EIF2S1: variants seen among roughly 807,000 people sequenced by gnomAD.
EIF2S1 encodes eukaryotic translation initiation factor 2 subunit alpha.
A neutral mutation model predicts 33.5 loss-of-function variants in EIF2S1; 5 were observed. That is an observed-to-expected ratio of 0.15 (90% confidence interval 0.08 to 0.31). EIF2S1 has a LOEUF of 0.31. Among genes scored for constraint, EIF2S1 ranks in the 10% least tolerant of loss-of-function variants. The probability of loss-of-function intolerance (pLI) is 1.00; values close to 1 mark genes in which losing one functional copy is unlikely to be tolerated. For synonymous variants in EIF2S1, 99 were observed against 127.5 expected, an observed-to-expected ratio of 0.78 and a Z score of 1.51; for missense variants, 191 against 384.6, an observed-to-expected ratio of 0.50 and a Z score of 4.21.
At chr14:67,368,187 G>A (rs756032864) in intron 2 of EIF2S1, among the ~76,000 whole-genome samples, 159 of 152,310 alleles carry the variant, frequency 1.0e-3, no homozygotes, top group Non-Finnish European at 1.9e-3. Context: ...GTTTCTGCAG[G>A]AAAAGCAAGG....
chr14:67,383,711 G>C lies in EIF2S1; in HGVS notation c.*271G>C. On this transcript the variant is annotated 3_prime_UTR_variant, in exon 8 of 8. Coordinates refer to ENST00000256383, the MANE Select transcript of EIF2S1 (RefSeq NM_004094.5). ...TAAGAATAGTTCTAAAATTGGGCTT[G>C]TGATTTCCATTTCTGATGTCTCCAG... 1 of 382,378 alleles carries C rather than the reference G, an allele frequency of 2.6e-6. No homozygotes were observed. The highest frequency in any genetic ancestry group is 2.2e-5 in the South Asian group (1 of 45,888). The allele number at this position is 382,378 out of a possible 1,614,324, so 23.7% of individuals were successfully genotyped here.
chr14:67,368,435 G>A (rs1182564038), intron 2 of EIF2S1, among the ~76,000 whole-genome samples: 1 of 152,114 alleles, frequency 6.6e-6, no homozygotes, highest in East Asian at 1.9e-4. Flanking sequence ...CTCCACAAAT[G>A]TCAGAGCCTC....
At chr14:67,379,429 T>G (rs1334175998) in intron 4 of EIF2S1, among the ~76,000 whole-genome samples, 1 of 152,196 alleles carries the variant, frequency 6.6e-6, no homozygotes, top group Non-Finnish European at 1.5e-5. Context: ...TTGTATTTCT[T>G]CTGTGAAACA....
At chr14:67,362,534 C>A (rs2085749954) in intron 1 of EIF2S1, among the ~76,000 whole-genome samples, 1 of 152,074 alleles carries the variant, frequency 6.6e-6, no homozygotes, top group Non-Finnish European at 1.5e-5. Context: ...TGAGAAACTA[C>A]AGTTCAAAGG....
At position 67,376,540 on chromosome 14, in the gene EIF2S1, G is replaced by A. The variant is rs1466016289; in HGVS notation, c.423G>A (p.Lys141=). Residue 141 remains lysine, a synonymous_variant, in exon 4 of 8, where the codon AAG becomes AAA. Transcript: ENST00000256383. ...FQRTAWVFDD[K]YKRPGYGAYD... ...GGACTGCCTGGGTCTTTGATGACAAGTACAAGAGACCTGGATATGGTGCCT... is the reference window on the plus strand; with the variant it reads ...GGACTGCCTGGGTCTTTGATGACAAATACAAGAGACCTGGATATGGTGCCT... 9.9e-6 allele frequency: 16 copies of A among 1,614,004 alleles called. No homozygotes were observed. Among genetic ancestry groups the A allele is most frequent in the Admixed American group, 1.7e-5 (1 of 60,002 alleles).
At position 67,382,489 on chromosome 14, in the gene EIF2S1, A is replaced by G. The variant is rs756171865; in HGVS notation, c.721A>G (p.Thr241Ala). 5.6e-6 allele frequency: 9 copies of G among 1,613,852 alleles called. No homozygotes were observed. Among genetic ancestry groups the G allele is most frequent in the Non-Finnish European group, 5.1e-6 (6 of 1,179,796 alleles). ...TCCTCGGTATGTAATGACTACGACA[A>G]CCCTGGAGAGAACAGAAGGCCTTTC... Reference protein sequence around the residue: ...APPRYVMTTTTLERTEGLSVL... With the variant: ...APPRYVMTTTALERTEGLSVL... The change falls in exon 7 of 8, where the codon ACC (threonine) becomes GCC (alanine). Residue 241 changes from threonine (T) to alanine (A), a missense_variant. Coordinates refer to ENST00000256383, the MANE Select transcript of EIF2S1 (RefSeq NM_004094.5).
At chr14:67,367,768 G>A (rs773734295) in intron 2 of EIF2S1, among the ~76,000 whole-genome samples, 11 of 151,868 alleles carry the variant, frequency 7.2e-5, no homozygotes, top group Non-Finnish European at 1.0e-4. Context: ...CCCAGGAGGC[G>A]GAGGCTGCAG....
rs2085911596 is a variant in EIF2S1, at chr14:67,384,947, G to A, written c.*1507G>A. On this transcript the variant is annotated 3_prime_UTR_variant, in exon 8 of 8. Coordinates refer to ENST00000256383, the MANE Select transcript of EIF2S1 (RefSeq NM_004094.5). Reference sequence around the variant, plus strand: ...GAAGAATGCATTCAAAATATAACAGGTGCTTCTTTGTTGTACGCAGAGGAA... The same window carrying A: ...GAAGAATGCATTCAAAATATAACAGATGCTTCTTTGTTGTACGCAGAGGAA... 6.6e-6 allele frequency: 1 copy of A among 152,144 alleles called. No individual in the cohort carries two copies. The highest frequency in any genetic ancestry group is 2.4e-5 in the African/African-American group (1 of 41,442). 9.4% of individuals were successfully genotyped at this position (152,144 alleles called of 1,614,324 possible). A position where few individuals can be genotyped will look rare whatever the true frequency, so the allele number is the denominator to read the frequency against.
intron 7 of EIF2S1, 107 bp downstream of exon 7, chr14:67,382,697 T>A (rs1365816129): frequency 7.7e-7 from 1 of 1,301,848 alleles, no homozygotes; most frequent in African/African-American, 1.5e-5. Flanking sequence ...TGTAGGATGG[T>A]CATTCAGGCC....
intron 2 of EIF2S1, among the ~76,000 whole-genome samples, chr14:67,369,101 GT>G (rs2085801194): frequency 6.6e-6 from 1 of 152,184 alleles, no homozygotes; most frequent in Non-Finnish European, 1.5e-5. Flanking sequence ...GGCAGAGATT[GT>G]TAGGATGAAT....
intron 2 of EIF2S1, among the ~76,000 whole-genome samples, chr14:67,367,313 C>T (rs1335971177): frequency 6.6e-5 from 10 of 152,166 alleles, no homozygotes; most frequent in Admixed American, 5.9e-4. Context: ...TCACTGCAAC[C>T]TCCGACTCCC....
At chr14:67,370,216 C>A (rs1180417499) in intron 2 of EIF2S1, among the ~76,000 whole-genome samples, 2 of 152,224 alleles carry the variant, frequency 1.3e-5, no homozygotes, top group East Asian at 3.8e-4. Context: ...AAACCCACAA[C>A]CTTCCAGCTT....
intron 1 of EIF2S1, among the ~76,000 whole-genome samples, chr14:67,361,495 A>G (rs2085740462): frequency 6.6e-6 from 1 of 152,266 alleles, no homozygotes. Flanking sequence ...ACTAGCATTC[A>G]GAGAGCATTC....
chr14:67,374,540 C>G lies in EIF2S1; in HGVS notation c.314C>G (p.Ser105Cys), dbSNP rs764957560. The G allele has an allele frequency of 1.2e-5, 19 of 1,604,576 alleles. No homozygotes were observed. The highest frequency in any genetic ancestry group is 3.3e-4 in the Middle Eastern group (2 of 6,042). Reference protein sequence around the residue: ...AIKCEDKFTKSKTVYSILRHV... With the variant: ...AIKCEDKFTKCKTVYSILRHV... Reference sequence around the variant, plus strand: ...AAATGTGAAGACAAATTCACAAAATCCAAAACTGTAAGTTGATCTTTGAGT... The same window carrying G: ...AAATGTGAAGACAAATTCACAAAATGCAAAACTGTAAGTTGATCTTTGAGT... Residue 105 changes from serine (S) to cysteine (C), a missense_variant, in exon 3 of 8, where the codon TCC becomes TGC. Transcript: ENST00000256383.
chr14:67,384,702 A>C lies in EIF2S1; in HGVS notation c.*1262A>C, dbSNP rs1881653224. On this transcript the variant is annotated 3_prime_UTR_variant, in exon 8 of 8. Transcript: ENST00000256383. ...GGCAGGTAGTTTGTACCATTTATGA[A>C]GGTTTGTTCCTTTGTTAAATTTAGC... 1.3e-5 allele frequency: 2 copies of C among 152,170 alleles called. No homozygotes were observed. The highest frequency in any genetic ancestry group is 2.1e-4 in the South Asian group (1 of 4,830). The allele number at this position is 152,170 out of a possible 1,614,324, so 9.4% of individuals were successfully genotyped here. A position where few individuals can be genotyped will look rare whatever the true frequency, so the allele number is the denominator to read the frequency against.
intron 3 of EIF2S1, among the ~76,000 whole-genome samples, chr14:67,376,130 T>C (rs866526350): frequency 6.7e-6 from 1 of 148,914 alleles, no homozygotes; most frequent in Non-Finnish European, 1.5e-5. Flanking sequence ...CCATTTATAG[T>C]GTGTGGTTTC....
chr14:67,370,166 T>G (rs1346858104), intron 2 of EIF2S1, among the ~76,000 whole-genome samples: 1 of 152,270 alleles, frequency 6.6e-6, no homozygotes, highest in Admixed American at 6.5e-5. Context: ...AGCAGTTTTC[T>G]GCCCTGGGCG....
chr14:67,378,930 C>T (rs1360311799), intron 4 of EIF2S1, among the ~76,000 whole-genome samples: 3 of 152,174 alleles, frequency 2.0e-5, no homozygotes, highest in Non-Finnish European at 4.4e-5. Flanking sequence ...TGTTTTACTA[C>T]ATATGTGTCT....
chr14:67,381,568 A>C, intron 5 of EIF2S1, 25 bp from the exon 6 acceptor site: 1 of 1,590,026 alleles, frequency 6.3e-7, no homozygotes, highest in East Asian at 2.2e-5. Context: ...ATTTTTTATC[A>C]ACTTTTGAAT....
Sources: allele counts gnomAD v4.1 joint callset (sites outside exome capture counted in the v4.1 genomes callset), GRCh38; gene constraint gnomAD v4.1.1; transcripts MANE v1.5; gene names NCBI Gene and HGNC (gene_info 2026-07-23, HGNC 2026-07-21).